NCMAP: variants seen among roughly 807,000 people sequenced by gnomAD.
The protein encoded by NCMAP is non-compact myelin associated protein.
A neutral mutation model predicts 7.8 loss-of-function variants in NCMAP; 8 were observed. The ratio of observed to expected loss-of-function variants is 1.02; its 90% confidence interval spans 0.60 to 1.84. The LOEUF is 1.84. Among genes scored for constraint, NCMAP ranks in the 40% most tolerant of loss-of-function variants. NCMAP has a pLI of 0.00. For missense variants in NCMAP, 112 were observed against 131.4 expected, an observed-to-expected ratio of 0.85 and a Z score of 0.72; for synonymous variants, 41 against 52.9, an observed-to-expected ratio of 0.78 and a Z score of 0.98.
chr1:24,561,258 A>G (rs1012673419), intron 1 of NCMAP, among the ~76,000 whole-genome samples: 31 of 151,358 alleles, frequency 2.0e-4, no homozygotes, highest in Non-Finnish European at 3.4e-4. Flanking sequence ...GAGGCAGGAG[A>G]ATCACTTGAA....
intron 1 of NCMAP, among the ~76,000 whole-genome samples, chr1:24,581,057 G>C (rs2148931033): frequency 6.6e-6 from 1 of 151,580 alleles, no homozygotes; most frequent in Non-Finnish European, 1.5e-5. Flanking sequence ...AGGGGGTTCA[G>C]GATGAAGCAG....
intron 1 of NCMAP, among the ~76,000 whole-genome samples, chr1:24,580,569 G>C (rs1307327153): frequency 3.3e-5 from 5 of 152,176 alleles, no homozygotes; most frequent in Non-Finnish European, 5.9e-5. Context: ...TCCTGCCTCA[G>C]CCTCCTGAGT....
At chr1:24,563,288 G>A (rs1291763543) in intron 1 of NCMAP, among the ~76,000 whole-genome samples, 3 of 150,906 alleles carry the variant, frequency 2.0e-5, no homozygotes, top group Non-Finnish European at 4.4e-5. Flanking sequence ...TTGGGAGGCC[G>A]AGGCAGGCAG....
chr1:24,564,884 A>T (rs968900259), intron 1 of NCMAP, among the ~76,000 whole-genome samples: 3 of 152,038 alleles, frequency 2.0e-5, no homozygotes, highest in African/African-American at 7.2e-5. Flanking sequence ...CTAGTAATTT[A>T]AAAAAAAGAA....
Position 24,569,487 on chromosome 1 carries a change from C to G in NCMAP, c.-8+13318C>G, listed in dbSNP as rs984020717. Among the ~76,000 whole-genome samples, 26 of 150,532 alleles carry G rather than the reference C, an allele frequency of 1.7e-4. 1 individual carries two copies. The highest frequency in any genetic ancestry group is 5.8e-4 in the African/African-American group (23 of 39,842). Reference sequence around the variant, plus strand: ...AGCTAGACTGGCATTCTTCCCTTCCCACCTCATAAAGTCCCAGTCAAATGA... The same window carrying G: ...AGCTAGACTGGCATTCTTCCCTTCCGACCTCATAAAGTCCCAGTCAAATGA... On this transcript the variant is annotated intron_variant, in intron 1 of 3. Transcript: ENST00000374392.
intron 1 of NCMAP, among the ~76,000 whole-genome samples, chr1:24,582,598 A>T (rs1299108238): frequency 6.6e-6 from 1 of 152,180 alleles, no homozygotes; most frequent in African/African-American, 2.4e-5. Context: ...GGAAGAAACC[A>T]CGAGCCAAGG....
chr1:24,601,481 T>C (rs1039826826), intron 3 of NCMAP, among the ~76,000 whole-genome samples: 1 of 152,250 alleles, frequency 6.6e-6, no homozygotes, highest in Non-Finnish European at 1.5e-5. Flanking sequence ...ATAAATTTTA[T>C]ATGTTATCAC....
intron 2 of NCMAP, among the ~76,000 whole-genome samples, chr1:24,595,794 C>CTTTTTTT (rs34640170): frequency 8.4e-6 from 1 of 119,494 alleles, no homozygotes; most frequent in Non-Finnish European, 1.7e-5. Flanking sequence ...TGGACTGTGT[C>CTTTTTTT]TTTTTTTTTT....
At chr1:24,589,164 C>T (rs1176474991) in intron 1 of NCMAP, among the ~76,000 whole-genome samples, 1 of 152,126 alleles carries the variant, frequency 6.6e-6, no homozygotes, top group Non-Finnish European at 1.5e-5. Context: ...ACATAAAGCA[C>T]CGAGTGCGGT....
chr1:24,558,576 C>T (rs1650968970), intron 1 of NCMAP, among the ~76,000 whole-genome samples: 1 of 152,160 alleles, frequency 6.6e-6, no homozygotes, highest in South Asian at 2.1e-4. Context: ...GGGGAGGCCT[C>T]ACACTATGTC....
At chr1:24,586,523 GA>G (rs1200418755) in intron 1 of NCMAP, among the ~76,000 whole-genome samples, 3 of 152,188 alleles carry the variant, frequency 2.0e-5, no homozygotes, top group African/African-American at 7.2e-5. Context: ...AGCACTTTGG[GA>G]GGCCGAGGAG....
intron 1 of NCMAP, among the ~76,000 whole-genome samples, chr1:24,559,183 G>A (rs764740728): frequency 6.6e-4 from 101 of 152,270 alleles, no homozygotes; most frequent in Non-Finnish European, 1.3e-3. Flanking sequence ...CGGAAGCAGC[G>A]GCCGGTTTGT....
chr1:24,583,743 G>A (rs1240850214), intron 1 of NCMAP, among the ~76,000 whole-genome samples: 4 of 147,640 alleles, frequency 2.7e-5, no homozygotes, highest in African/African-American at 1.0e-4. Context: ...AAAAAAGTGA[G>A]CAGGTGAGCA....
At chr1:24,582,062 C>T (rs1161092575) in intron 1 of NCMAP, among the ~76,000 whole-genome samples, 2 of 152,160 alleles carry the variant, frequency 1.3e-5, no homozygotes, top group Non-Finnish European at 2.9e-5. Context: ...ACTCCCTATT[C>T]CCCTACCCCA....
intron 2 of NCMAP, among the ~76,000 whole-genome samples, chr1:24,598,800 G>A (rs935814943): frequency 6.6e-6 from 1 of 151,294 alleles, no homozygotes; most frequent in Non-Finnish European, 1.5e-5. Flanking sequence ...ACCAGGCCCA[G>A]CTAATTTTTG....
intron 1 of NCMAP, among the ~76,000 whole-genome samples, chr1:24,572,573 C>T (rs1651420648): frequency 1.3e-5 from 2 of 150,630 alleles, no homozygotes; most frequent in South Asian, 4.1e-4. Flanking sequence ...CACCAGCCCA[C>T]AGAGGCACAC....
chr1:24,557,374 GGTGCATGTGTGTATGT>G (rs928263200), intron 1 of NCMAP, among the ~76,000 whole-genome samples: 28 of 152,180 alleles, frequency 1.8e-4, no homozygotes, highest in African/African-American at 6.5e-4. Flanking sequence ...CCCCTCTTAT[GGTGCATGTGTGTATGT>G]GTGCATGTGT....
At chr1:24,595,648 C>G in intron 2 of NCMAP, 136 bp downstream of exon 2, 1 of 620,160 alleles carries the variant, frequency 1.6e-6, no homozygotes, top group Non-Finnish European at 2.9e-6. Context: ...GTGCCAACTG[C>G]AGCATTAATG....
intron 1 of NCMAP, among the ~76,000 whole-genome samples, chr1:24,595,179 T>C (rs1369609969): frequency 6.6e-6 from 1 of 151,964 alleles, no homozygotes; most frequent in East Asian, 1.9e-4. Flanking sequence ...TTTGAAGGAG[T>C]TGAGTAAATA....
Sources: gnomAD v4.1 joint callset for allele counts (sites outside exome capture counted in the v4.1 genomes callset) on GRCh38, gnomAD v4.1.1 for gene constraint, MANE v1.5 for transcripts, NCBI Gene and HGNC (gene_info 2026-07-23, HGNC 2026-07-21) for gene names.